The following COL3A1 variants were observed in gnomAD, a reference collection of about 807,000 sequenced individuals.
The protein encoded by COL3A1 is collagen type III alpha 1 chain.
A neutral mutation model predicts 200.9 loss-of-function variants in COL3A1; 46 were observed. The ratio of observed to expected loss-of-function variants is 0.23; its 90% confidence interval spans 0.18 to 0.29. COL3A1 has a LOEUF of 0.29. COL3A1 is among the 10% of genes least tolerant of loss of function. COL3A1 has a pLI of 1.00. For missense variants in COL3A1, 1,367 were observed against 1,917.6 expected, an observed-to-expected ratio of 0.71 and a Z score of 5.36; for synonymous variants, 650 against 628.0, an observed-to-expected ratio of 1.03 and a Z score of -0.52.
chr2:188,977,037 T>A (rs1490034946), intron 1 of COL3A1, among the ~76,000 whole-genome samples: 1 of 152,154 alleles, frequency 6.6e-6, no homozygotes, highest in Non-Finnish European at 1.5e-5. Context: ...CAAACACATA[T>A]ACTGACACGA....
At chr2:189,006,500 T>A (rs1331066958) in intron 43 of COL3A1, 48 bp downstream of exon 43, 39 of 1,558,888 alleles carry the variant, frequency 2.5e-5, no homozygotes, top group Non-Finnish European at 3.4e-5. Flanking sequence ...TTTCCTTCAA[T>A]AAAGACATTT....
chr2:188,990,243 T>G, intron 9 of COL3A1, 64 bp from the exon 10 acceptor site: 2 of 1,581,086 alleles, frequency 1.3e-6, no homozygotes, highest in Non-Finnish European at 1.7e-6. Context: ...ACAGAAAGTG[T>G]TTTACTACTA....
chr2:188,996,238 G>A, intron 23 of COL3A1, 60 bp downstream of exon 23: 1 of 1,434,916 alleles, frequency 7.0e-7, no homozygotes, highest in Admixed American at 1.7e-5. Context: ...GTATATGTTG[G>A]CCTATCCTTG....
chr2:188,985,580 TA>T (rs1362604641), intron 3 of COL3A1, 84 bp from the exon 4 acceptor site: 1 of 854,072 alleles, frequency 1.2e-6, no homozygotes, highest in Non-Finnish European at 1.9e-6. Flanking sequence ...TTCCTAATAT[TA>T]TAAAGTAGAG....
In COL3A1 at chr2:189,010,681, G is replaced by A; in HGVS notation, c.4045G>A (p.Val1349Ile). The A allele has an allele frequency of 1.2e-6, 2 of 1,614,138 alleles. No homozygotes were observed. Among genetic ancestry groups the A allele is most frequent in the Non-Finnish European group, 1.7e-6 (2 of 1,179,990 alleles). Reference protein sequence around the residue: ...SYGNPELPEDVLDVHLAFLRL... With the variant: ...SYGNPELPEDILDVHLAFLRL... ...CGGCAATCCTGAACTTCCTGAAGAT[G>A]TCCTTGATGTGCATCTGGCATTCCT... Residue 1349 changes from valine to isoleucine, a missense_variant, in exon 50 of 51, where the codon GTC becomes ATC. Around this residue, in one of 5 missense-constraint regions of COL3A1, gnomAD observed 846 missense variants for 1,147.9 expected, o/e 0.74. Coordinates refer to ENST00000304636, the MANE Select transcript of COL3A1 (RefSeq NM_000090.4).
intron 1 of COL3A1, among the ~76,000 whole-genome samples, chr2:188,976,517 G>A (rs1014873785): frequency 2.0e-5 from 3 of 152,042 alleles, no homozygotes; most frequent in African/African-American, 7.2e-5. Flanking sequence ...GTTCCCTGTG[G>A]GTTTTACAAG....
chr2:189,007,365 A>G (rs1688617343), intron 44 of COL3A1, 135 bp from the exon 45 acceptor site: 7 of 669,992 alleles, frequency 1.0e-5, no homozygotes, highest in Non-Finnish European at 1.7e-5. Context: ...CTCATTTCCT[A>G]TCTGAAGTGT....
intron 8 of COL3A1, among the ~76,000 whole-genome samples, chr2:188,989,652 A>ATAAAATC (rs1688144803): frequency 6.6e-6 from 1 of 152,180 alleles, no homozygotes; most frequent in South Asian, 2.1e-4. Context: ...GAATTCCAAA[A>ATAAAATC]TAAAATCCTT....
chr2:189,004,482 T>C lies in COL3A1; in HGVS notation c.2931+118T>C, dbSNP rs1286950692. 9.4e-6 allele frequency: 8 copies of C among 849,596 alleles called. No homozygotes were observed. In the African/African-American group the frequency reaches 1.4e-4, roughly 15 times the overall value. The allele number at this position is 849,596 out of a possible 1,614,324, so 52.6% of individuals were successfully genotyped here. On this transcript the variant is annotated intron_variant, in intron 40 of 50. Transcript: ENST00000304636. ...CTGGAGTAAATTAGCCAGGAGATAA[T>C]TTTTTTTTATTTTTAGATTTTTAAA...
At position 189,010,958 on chromosome 2, in the gene COL3A1, T is replaced by G. The variant is rs951888820; in HGVS notation, c.4254+68T>G. 2.4e-5 allele frequency: 38 copies of G among 1,583,056 alleles called. No homozygotes were observed. The Admixed American group carries it at 3.7e-4, about 15-fold the overall frequency. ...ATTTTAGTTTAATCATGCAAATTAT[T>G]TTGAATAGAATAAATAAAATTAATA... is the stretch of plus-strand genomic sequence containing the variant. On this transcript the variant is annotated intron_variant, in intron 50 of 50. Coordinates refer to ENST00000304636, the MANE Select transcript of COL3A1 (RefSeq NM_000090.4).
rs866411375 is a variant in COL3A1, at chr2:189,003,404, C to T, written c.2554-7C>T. On this transcript the variant is annotated splice_polypyrimidine_tract_variant and splice_region_variant and intron_variant, in intron 36 of 50. Coordinates refer to ENST00000304636, the MANE Select transcript of COL3A1 (RefSeq NM_000090.4). ...ATTCTTACATAATTTCCTTCCATTTCATATAGGGTCCTCCTGGTCCCCAAG... is the reference window on the plus strand; with the variant it reads ...ATTCTTACATAATTTCCTTCCATTTTATATAGGGTCCTCCTGGTCCCCAAG... 1.2e-6 allele frequency: 2 copies of T among 1,613,526 alleles called. No homozygotes were observed. Among genetic ancestry groups the T allele is most frequent in the Non-Finnish European group, 8.5e-7 (1 of 1,179,558 alleles).
At chr2:188,985,576 A>G (rs948454507) in intron 3 of COL3A1, 89 bp from the exon 4 acceptor site, 1 of 819,910 alleles carries the variant, frequency 1.2e-6, no homozygotes, top group Non-Finnish European at 2.0e-6. Flanking sequence ...TTGTTTCCTA[A>G]TATTATAAAG....
chr2:188,976,656 C>T (rs1041762545), intron 1 of COL3A1, among the ~76,000 whole-genome samples: 17 of 152,116 alleles, frequency 1.1e-4, no homozygotes, highest in African/African-American at 4.1e-4. Flanking sequence ...AGAGACGGCA[C>T]AGCTCTAATG....
chr2:188,988,085 C>T lies in COL3A1; in HGVS notation c.533C>T (p.Pro178Leu). The change falls in exon 6 of 51, where the codon CCC becomes CTC. Residue 178 changes from proline (P) to leucine (L), a missense_variant. Around this residue, in one of 5 missense-constraint regions of COL3A1, gnomAD observed 462 missense variants for 681.4 expected, o/e 0.68. Transcript: ENST00000304636. ...TCATTCAAATTCACATTCCAGGGCC[C>T]CCCAGGCCCTCCCGGTCCCCCTGGT... ...GLAGYPGPAG[P>L]PGPPGPPGTS... The T allele has an allele frequency of 1.2e-6, 2 of 1,610,972 alleles. No individual in the cohort carries two copies. Among genetic ancestry groups the T allele is most frequent in the Non-Finnish European group, 1.7e-6 (2 of 1,177,394 alleles).
At chr2:189,005,725 CAT>C in intron 41 of COL3A1, 1 of 399,964 alleles carries the variant, frequency 2.5e-6, no homozygotes, top group Non-Finnish European at 4.6e-6. Context: ...CCACAATTGA[CAT>C]GTTTTCTGAG....
At chr2:188,977,791 C>T (rs1687854019) in intron 1 of COL3A1, among the ~76,000 whole-genome samples, 1 of 151,894 alleles carries the variant, frequency 6.6e-6, no homozygotes, top group African/African-American at 2.4e-5. Flanking sequence ...TATATATCGT[C>T]CTAGAAAGTA....
At chr2:189,003,681 G>A in intron 37 of COL3A1, 53 bp from the exon 38 acceptor site, 1 of 1,572,326 alleles carries the variant, frequency 6.4e-7, no homozygotes, top group Non-Finnish European at 8.8e-7. Context: ...TTTGTTTGTT[G>A]TACAGTTATT....
chr2:188,985,585 A>G, intron 3 of COL3A1, 80 bp from the exon 4 acceptor site: 1 of 871,996 alleles, frequency 1.1e-6, no homozygotes, highest in East Asian at 2.6e-5. Flanking sequence ...AATATTATAA[A>G]GTAGAGAAAC....
intron 41 of COL3A1, 55 bp downstream of exon 41, chr2:189,005,512 CAAAGG>C: frequency 3.4e-6 from 5 of 1,465,792 alleles, no homozygotes; most frequent in South Asian, 1.1e-5. Flanking sequence ...TTTATTTCAG[CAAAGG>C]TGAAATTGAG....
Sources: gnomAD v4.1 joint callset for allele counts (sites outside exome capture counted in the v4.1 genomes callset) on GRCh38, gnomAD v4.1.1 for gene constraint, gnomAD v4.1.1 regional missense constraint, MANE v1.5 for transcripts, NCBI Gene and HGNC (gene_info 2026-07-23, HGNC 2026-07-21) for gene names.